Variants in MEGF11 observed in about 807,000 individuals in gnomAD.
MEGF11 encodes multiple EGF like domains 11.
MEGF11 carries 126 observed loss-of-function variants against 146.6 expected under a neutral mutation model. That is an observed-to-expected ratio of 0.86 (90% CI 0.74 to 1.00). The LOEUF is 1.00. Among genes scored for constraint, MEGF11 ranks in the 50% least tolerant of loss-of-function variants. The pLI is 0.00. For missense variants in MEGF11, 1,509 were observed against 1,521.2 expected, an observed-to-expected ratio of 0.99 and a Z score of 0.13; for synonymous variants, 532 against 583.4, an observed-to-expected ratio of 0.91 and a Z score of 1.27.
intron 1 of MEGF11, among the ~76,000 whole-genome samples, chr15:66,227,726 C>T (rs917985804): frequency 6.6e-6 from 1 of 152,238 alleles, no homozygotes; most frequent in Non-Finnish European, 1.5e-5. Flanking sequence ...AAGCGCCGGG[C>T]TTCTGCTGTT....
chr15:66,212,796 C>A (rs961309509), intron 1 of MEGF11, among the ~76,000 whole-genome samples: 1 of 32 alleles, frequency 0.031, no homozygotes. Context: ...CCAGGGACTC[C>A]CCCCCAGCCA....
chr15:66,091,881 G>A (rs1237408386), intron 5 of MEGF11, among the ~76,000 whole-genome samples: 1 of 152,216 alleles, frequency 6.6e-6, no homozygotes, highest in East Asian at 1.9e-4. Flanking sequence ...AGGGAGCTTG[G>A]AGAAGAAACA....
intron 5 of MEGF11, among the ~76,000 whole-genome samples, chr15:66,064,482 G>A (rs917914245): frequency 3.9e-5 from 6 of 152,050 alleles, no homozygotes; most frequent in Non-Finnish European, 8.8e-5. Flanking sequence ...AATGAATTAG[G>A]GCCATCTCTT....
chr15:65,940,167 C>T (rs904521884), intron 10 of MEGF11, among the ~76,000 whole-genome samples: 22 of 152,194 alleles, frequency 1.4e-4, no homozygotes, highest in African/African-American at 3.4e-4. Flanking sequence ...GTTCTGCAGG[C>T]GGCCTGTAGT....
chr15:66,069,816 C>G (rs1437719428), intron 5 of MEGF11, among the ~76,000 whole-genome samples: 1 of 152,220 alleles, frequency 6.6e-6, no homozygotes, highest in East Asian at 1.9e-4. Flanking sequence ...TAAATATTTT[C>G]TGTCTTTTGA....
chr15:65,999,938 G>A (rs951301629), intron 5 of MEGF11, among the ~76,000 whole-genome samples: 2 of 152,222 alleles, frequency 1.3e-5, no homozygotes, highest in African/African-American at 4.8e-5. Flanking sequence ...AGACCCTGAG[G>A]TGGCTCCAGG....
At chr15:65,976,484 A>G (rs2081451810) in intron 7 of MEGF11, among the ~76,000 whole-genome samples, 1 of 152,232 alleles carries the variant, frequency 6.6e-6, no homozygotes, top group South Asian at 2.1e-4. Flanking sequence ...TTACAAGAAG[A>G]GGAGACTAAG....
At chr15:65,979,531 C>G (rs561139574) in intron 7 of MEGF11, among the ~76,000 whole-genome samples, 3 of 152,316 alleles carry the variant, frequency 2.0e-5, no homozygotes, top group African/African-American at 7.2e-5. Context: ...TGGACTGTGT[C>G]GCTGAGCTTC....
chr15:66,190,355 G>A (rs952739920), intron 1 of MEGF11, among the ~76,000 whole-genome samples: 6 of 152,174 alleles, frequency 3.9e-5, no homozygotes, highest in African/African-American at 1.4e-4. Context: ...TCCCACCTCA[G>A]CCTCCTGAGT....
At chr15:66,003,448 G>A (rs2082424574) in intron 5 of MEGF11, among the ~76,000 whole-genome samples, 1 of 97,362 alleles carries the variant, frequency 1.0e-5, no homozygotes, top group African/African-American at 3.6e-5. Flanking sequence ...TCTATCCTTA[G>A]GGGTGGCTGA....
chr15:66,051,542 T>C (rs2084445696), intron 5 of MEGF11, among the ~76,000 whole-genome samples: 1 of 152,166 alleles, frequency 6.6e-6, no homozygotes, highest in Admixed American at 6.5e-5. Context: ...GTCAGCTCTC[T>C]CTCAAAGGCT....
At chr15:66,128,541 G>A in intron 1 of MEGF11, 130 bp from the exon 2 acceptor site, 3 of 472,296 alleles carry the variant, frequency 6.4e-6, no homozygotes, top group Admixed American at 4.3e-5. Flanking sequence ...CACTGTAACA[G>A]TTCACTGGTT....
chr15:66,106,678 G>T (rs1382413245), intron 4 of MEGF11, among the ~76,000 whole-genome samples: 1 of 152,088 alleles, frequency 6.6e-6, no homozygotes. Flanking sequence ...TAACACGCCT[G>T]CACAGACATC....
intron 10 of MEGF11, among the ~76,000 whole-genome samples, chr15:65,953,995 G>C (rs1417951464): frequency 6.6e-6 from 1 of 151,950 alleles, no homozygotes; most frequent in Non-Finnish European, 1.5e-5. Flanking sequence ...GGGTGGGAGG[G>C]GACAGCTGAG....
Position 65,985,839 on chromosome 15 carries a change from G to T in MEGF11, c.395-3351C>A, listed in dbSNP as rs190156717. Among the ~76,000 whole-genome samples the T allele has an allele frequency of 1.2e-4, 19 of 152,132 alleles. No individual in the cohort carries two copies. The East Asian group carries it at 2.1e-3, about 17-fold the overall frequency. On this transcript the variant is annotated intron_variant, in intron 5 of 25. Coordinates refer to ENST00000395614, the MANE Select transcript of MEGF11 (RefSeq NM_001385028.1). ...GTGCTCTAATAAGGGCAGCTCAGGGGATTATAGAAGGACATGTAAACACAA... is the reference window on the plus strand; with the variant it reads ...GTGCTCTAATAAGGGCAGCTCAGGGTATTATAGAAGGACATGTAAACACAA...
At chr15:65,991,772 C>A (rs550538912) in intron 5 of MEGF11, among the ~76,000 whole-genome samples, 6 of 152,310 alleles carry the variant, frequency 3.9e-5, no homozygotes, top group South Asian at 2.1e-4. Context: ...GAATGACTTG[C>A]CCGTGACCAC....
intron 1 of MEGF11, among the ~76,000 whole-genome samples, chr15:66,204,704 A>G (rs540798529): frequency 1.3e-5 from 2 of 152,324 alleles, no homozygotes; most frequent in South Asian, 4.1e-4. Flanking sequence ...GCCTCCATCA[A>G]CATTCATTCT....
At chr15:65,963,818 C>G (rs373372888) in intron 9 of MEGF11, among the ~76,000 whole-genome samples, 3 of 152,180 alleles carry the variant, frequency 2.0e-5, no homozygotes, top group Admixed American at 1.3e-4. Context: ...TAGTTTAACT[C>G]GTTAACACTT....
intron 1 of MEGF11, among the ~76,000 whole-genome samples, chr15:66,214,403 C>A (rs1052368820): frequency 6.6e-6 from 1 of 152,110 alleles, no homozygotes; most frequent in African/African-American, 2.4e-5. Context: ...CCAGCCTGAC[C>A]CCTCCCAGTT....
Sources: gnomAD v4.1 joint callset for allele counts (sites outside exome capture counted in the v4.1 genomes callset) on GRCh38, gnomAD v4.1.1 for gene constraint, MANE v1.5 for transcripts, NCBI Gene and HGNC (gene_info 2026-07-23, HGNC 2026-07-21) for gene names.